The following INF2 variants were observed in gnomAD, a reference collection of about 807,000 sequenced individuals.
INF2 encodes inverted formin-2.
Under a neutral mutation model 123.5 loss-of-function variants are expected in INF2, and 43 were observed. The observed-to-expected ratio is 0.35, with a 90% CI of 0.27 to 0.45. INF2 has a LOEUF of 0.45. Among genes scored for constraint, INF2 ranks in the 20% least tolerant of loss-of-function variants. The pLI is 1.00. For synonymous variants in INF2, 851 were observed against 745.0 expected (o/e 1.14, Z -2.32); for missense variants, 1,453 against 1,682.7 (o/e 0.86, Z 2.39).
intron 8 of INF2, 72 bp downstream of exon 8, chr14:104,708,074 G>A: frequency 6.3e-7 from 1 of 1,593,072 alleles, no homozygotes; most frequent in Non-Finnish European, 8.5e-7. Context: ...GAGAGGGGCA[G>A]GTGGCACATG....
chr14:104,708,569 C>A lies in INF2; in HGVS notation c.1869C>A (p.Ala623=). The change falls in exon 9 of 23, where the codon GCC becomes GCA. Residue 623 remains alanine (A), a synonymous_variant. Transcript: ENST00000392634. ...AGCCCACCATGGTGGCCCCCCGGGC[C>A]AGGAAGGAGCCCAAGGAGGTGGGGA... ...PKEPTMVAPR[A]RKEPKEITFL... The A allele has an allele frequency of 6.2e-7, 1 of 1,612,526 alleles. No individual in the cohort carries two copies. Among genetic ancestry groups the A allele is most frequent in the Non-Finnish European group, 8.5e-7 (1 of 1,179,826 alleles).
At chr14:104,713,912 G>T (rs1343886291) in intron 20 of INF2, among the ~76,000 whole-genome samples, 1 of 152,240 alleles carries the variant, frequency 6.6e-6, no homozygotes, top group Non-Finnish European at 1.5e-5. Flanking sequence ...GGGCTCAGAG[G>T]GTGCTAGAGG....
chr14:104,703,784 C>T (rs1889646766), intron 4 of INF2, 132 bp from the exon 5 acceptor site: 2 of 1,488,530 alleles, frequency 1.3e-6, no homozygotes, highest in Admixed American at 3.4e-5. Flanking sequence ...TGATGTCTCC[C>T]CTCCAGAGCC....
Position 104,711,673 on chromosome 14 carries a change from C to T in INF2, c.2463C>T (p.Asp821=). The part of the protein sequence containing the change: ...SHPDLLQLPR[D]LEQPSQAAGI... ...CCGACCTCCTGCAGCTGCCCCGGGA[C>T]CTGGAACAGCCCTCGCAAGCAGCAG... is the stretch of plus-strand genomic sequence containing the variant. The change falls in exon 16 of 23, where the codon GAC becomes GAT. Residue 821 remains aspartate (D), a synonymous_variant. Transcript: ENST00000392634. The T allele has an allele frequency of 6.2e-7, 1 of 1,612,428 alleles. No homozygotes were observed. Among genetic ancestry groups the T allele is most frequent in the South Asian group, 1.1e-5 (1 of 91,074 alleles).
rs1053831941 is a variant in INF2 at position 104,710,146 on chromosome 14, A to G, written c.2197A>G (p.Met733Val). Residue 733 changes from methionine (M) to valine (V), a missense_variant, in exon 13 of 23, where the codon ATG (methionine) becomes GTG (valine). Transcript: ENST00000392634. ...TGAGGGCGCGGCCGCCGTGCTGGAC[A>G]TGGTGCGGCCCAAGGCCCAGCTGGT... is the stretch of plus-strand genomic sequence containing the variant. ...LCEGAAAVLD[M>V]VRPKAQLVLA... 9 of 1,553,128 alleles carry G rather than the reference A, an allele frequency of 5.8e-6. No homozygotes were observed. Among genetic ancestry groups the G allele is most frequent in the African/African-American group, 5.5e-5 (4 of 73,190 alleles).
At position 104,684,309 on chromosome 14, in the gene INF2, C is replaced by T. The variant is rs1021291867; in HGVS notation, c.-104+2727C>T. The T allele has an allele frequency of 5.7e-6, 2 of 351,224 alleles. No individual in the cohort carries two copies. The highest frequency in any genetic ancestry group is 5.7e-6 in the Non-Finnish European group (1 of 176,694). The allele number at this position is 351,224 out of a possible 1,614,324, so 21.8% of individuals were successfully genotyped here. ...CTCCCGAGGGCCAGCACTGGCTTAGCCTGCTCAGTGAGGTGCCCGAAGGAG... is the reference window on the plus strand; with the variant it reads ...CTCCCGAGGGCCAGCACTGGCTTAGTCTGCTCAGTGAGGTGCCCGAAGGAG... On this transcript the variant is annotated intron_variant, in intron 1 of 2. Coordinates refer to the INF2 transcript ENST00000674723. This position sits in a 1 kb window ranked among gnomAD's most constrained non-coding sequence, Gnocchi z 5.0.
chr14:104,712,773 C>T (rs1369206135), intron 17 of INF2, 55 bp from the exon 18 acceptor site: 42 of 1,542,482 alleles, frequency 2.7e-5, no homozygotes, highest in Non-Finnish European at 3.5e-5. Flanking sequence ...GGGCCTCACC[C>T]CGGGTGGTGC....
chr14:104,700,542 C>G (rs1566776748), intron 1 of INF2, among the ~76,000 whole-genome samples: 2 of 152,150 alleles, frequency 1.3e-5, no homozygotes, highest in African/African-American at 2.4e-5. Flanking sequence ...TGGTTGGGGA[C>G]AGCGGCTGGG....
Position 104,707,636 on chromosome 14 carries a change from G to C in INF2, c.1369G>C (p.Ala457Pro). The change falls in exon 8 of 23, where the codon GCA becomes CCA. Residue 457 changes from alanine (A) to proline (P), a missense_variant. By Grantham distance (27) the Ala-to-Pro change is conservative. Transcript: ENST00000392634. Reference sequence around the variant, plus strand: ...TGTGGGGGCTAAGGCCCTCCCAACAGCACCCCCGCCCCCACCCCTGCCAGG... The same window carrying C: ...TGTGGGGGCTAAGGCCCTCCCAACACCACCCCCGCCCCCACCCCTGCCAGG... ...PSVGAKALPT[A>P]PPPPPLPGLG... The C allele has an allele frequency of 1.2e-6, 1 of 824,616 alleles. No homozygotes were observed. The highest frequency in any genetic ancestry group is 1.8e-6 in the Non-Finnish European group (1 of 546,488). 51.1% of individuals were successfully genotyped at this position (824,616 alleles called of 1,614,324 possible). A position where few individuals can be genotyped will look rare whatever the true frequency, so the allele number is the denominator to read the frequency against.
At chr14:104,681,450 G>C (rs1236703581) in exon 1 of INF2, 1 of 649,486 alleles carries the variant, frequency 1.5e-6, no homozygotes, top group Admixed American at 2.3e-5. Flanking sequence ...GCAGCGTCTA[G>C]GAGGCCTGAT....
chr14:104,688,678 T>TGTCTG (rs989584935), upstream of INF2, among the ~76,000 whole-genome samples: 16 of 152,212 alleles, frequency 1.1e-4, no homozygotes, highest in African/African-American at 3.6e-4. Context: ...GCAGGGGTTG[T>TGTCTG]GTCTGCTCTG....
intron 13 of INF2, 47 bp downstream of exon 13, chr14:104,710,235 G>A (rs534706073): frequency 2.8e-5 from 40 of 1,404,350 alleles, no homozygotes; most frequent in African/African-American, 2.7e-4. Context: ...ACAGGCCTCC[G>A]AACCGGGGCG....
In INF2 at chr14:104,707,525, A is replaced by T; in HGVS notation, c.1258A>T (p.Thr420Ser). 7.2e-7 allele frequency: 1 copy of T among 1,379,318 alleles called. No homozygotes were observed. The highest frequency in any genetic ancestry group is 3.5e-5 in the East Asian group (1 of 28,542). The allele number at this position is 1,379,318 out of a possible 1,614,324, so 85.4% of individuals were successfully genotyped here. The change falls in exon 8 of 23, where the codon ACC becomes TCC. Residue 420 changes from threonine to serine, a missense_variant. By Grantham distance (58) the Thr-to-Ser change is moderately conservative. Transcript: ENST00000392634. ...CAGAGCCCTGGAGCAGCAGGCGTCC[A>T]CCCCACCCCCACCCCCACCCCCACC... ...QPRALEQQASTPPPPPPPPLL... is the reference protein window; with the variant it reads ...QPRALEQQASSPPPPPPPPLL...
chr14:104,712,032 T>C (rs1890075021), intron 16 of INF2, among the ~76,000 whole-genome samples: 1 of 151,926 alleles, frequency 6.6e-6, no homozygotes, highest in Non-Finnish European at 1.5e-5. Flanking sequence ...ATTGTATAGA[T>C]GAGGAAACGG....
chr14:104,707,615 G>C lies in INF2; in HGVS notation c.1348G>C (p.Gly450Arg), dbSNP rs572969666. The C allele has an allele frequency of 4.0e-5, 45 of 1,119,098 alleles. No individual in the cohort carries two copies. Among genetic ancestry groups the C allele is most frequent in the Non-Finnish European group, 5.2e-5 (42 of 800,678 alleles). The allele number at this position is 1,119,098 out of a possible 1,614,324, so 69.3% of individuals were successfully genotyped here. A position where few individuals can be genotyped will look rare whatever the true frequency, so the allele number is the denominator to read the frequency against. ...CCCACCACCCCCCCTGCCCAGTGTG[G>C]GGGCTAAGGCCCTCCCAACAGCACC... Reference protein sequence around the residue: ...PPPPPPLPSVGAKALPTAPPP... With the variant: ...PPPPPPLPSVRAKALPTAPPP... The change falls in exon 8 of 23, where the codon GGG becomes CGG. Residue 450 changes from glycine to arginine, a missense_variant. Physicochemically the swap from Gly to Arg is moderately radical, Grantham distance 125. Transcript: ENST00000392634.
At chr14:104,692,553 T>C (rs565439952) in intron 1 of INF2, among the ~76,000 whole-genome samples, 22 of 152,316 alleles carry the variant, frequency 1.4e-4, no homozygotes, top group Non-Finnish European at 2.9e-4. Context: ...AGGCCTGTCC[T>C]GGTCAAGTAG....
In INF2 at chr14:104,707,437, A is replaced by G; in HGVS notation, c.1170A>G (p.Ala390=). 8.9e-6 allele frequency: 14 copies of G among 1,572,048 alleles called. No homozygotes were observed. Among genetic ancestry groups the G allele is most frequent in the Non-Finnish European group, 1.2e-5 (14 of 1,159,786 alleles). ...GCGTGGAGGGCCAGCAGCCAGCAGC[A>G]GCTGCTGCCTGCGAGCCCGTGGACC... The part of the protein sequence containing the change: ...KPSVEGQQPA[A]AAACEPVDHA... Residue 390 remains alanine (A), a synonymous_variant, in exon 8 of 23, where the codon GCA becomes GCG. Transcript: ENST00000392634.
intron 20 of INF2, 38 bp downstream of exon 20, chr14:104,713,644 G>C: frequency 6.2e-7 from 1 of 1,602,462 alleles, no homozygotes; most frequent in African/African-American, 1.3e-5. Context: ...TGGTCCCCTT[G>C]CCACTGTCCC....
At position 104,715,458 on chromosome 14, in the gene INF2, G is replaced by C. The variant is rs1043906402; in HGVS notation, c.*1+118G>C. ...CTGGCTTCTCTCCAGCCCGCGTGGTGCGTCAGTGTGGCCTTGCCGCTCCCG... is the reference window on the plus strand; with the variant it reads ...CTGGCTTCTCTCCAGCCCGCGTGGTCCGTCAGTGTGGCCTTGCCGCTCCCG... On this transcript the variant is annotated intron_variant, in intron 22 of 22. Coordinates refer to ENST00000392634, the MANE Select transcript of INF2 (RefSeq NM_022489.4). The C allele has an allele frequency of 5.4e-5, 52 of 968,568 alleles. No homozygotes were observed. The Admixed American group carries it at 6.9e-4, about 13-fold the overall frequency. The allele number at this position is 968,568 out of a possible 1,614,324, so 60.0% of individuals were successfully genotyped here.
Sources: allele counts gnomAD v4.1 joint callset (sites outside exome capture counted in the v4.1 genomes callset), GRCh38; gene constraint gnomAD v4.1.1; non-coding constraint Gnocchi (gnomAD v3.1); transcripts MANE v1.5; gene names NCBI Gene and HGNC (gene_info 2026-07-23, HGNC 2026-07-21).